Variants in DGKH observed in about 807,000 individuals in gnomAD.
DGKH encodes DAG kinase eta.
A neutral mutation model predicts 159.3 loss-of-function variants in DGKH; 90 were observed. The ratio of observed to expected loss-of-function variants is 0.57; its 90% CI spans 0.48 to 0.67. The LOEUF (loss-of-function observed/expected upper bound fraction) is 0.67. Among genes scored for constraint, DGKH ranks in the 30% least tolerant of loss-of-function variants. The pLI is 0.00. For missense variants in DGKH, 1,181 were observed against 1,506.1 expected (o/e 0.78, Z 3.57); for synonymous variants, 536 against 553.8 (o/e 0.97, Z 0.45).
At chr13:42,122,515 G>A (rs1955094885) in intron 1 of DGKH, among the ~76,000 whole-genome samples, 1 of 152,096 alleles carries the variant, frequency 6.6e-6, no homozygotes, top group African/African-American at 2.4e-5. Flanking sequence ...CCACTCTCAT[G>A]TTAGCCCATT....
At chr13:42,224,714 T>G (rs765388062) in intron 29 of DGKH, among the ~76,000 whole-genome samples, 1 of 152,120 alleles carries the variant, frequency 6.6e-6, no homozygotes, top group Non-Finnish European at 1.5e-5. Context: ...CATCCTGGCC[T>G]TATTTCAGTT....
In DGKH at chr13:42,230,004, T is replaced by C. The variant is rs913071728; in HGVS notation, c.*816T>C. 1 of 152,188 alleles carries C rather than the reference T, an allele frequency of 6.6e-6. No individual in the cohort carries two copies. Among genetic ancestry groups the C allele is most frequent in the Non-Finnish European group, 1.5e-5 (1 of 68,022 alleles). The allele number at this position is 152,188 out of a possible 1,614,324, so 9.4% of individuals were successfully genotyped here. A position where few individuals can be genotyped will look rare whatever the true frequency, so the allele number is the denominator to read the frequency against. On this transcript the variant is annotated 3_prime_UTR_variant, in exon 30 of 30. Coordinates refer to ENST00000337343, the MANE Select transcript of DGKH (RefSeq NM_178009.5). ...ATGATATACATCACATGCAAGTCAA[T>C]TTTATTTCAATCTATCATAAGCAGT...
chr13:42,131,086 G>A, intron 3 of DGKH, among the ~76,000 whole-genome samples: 1 of 152,100 alleles, frequency 6.6e-6, no homozygotes, highest in East Asian at 1.9e-4. Context: ...CCATTGATGT[G>A]AGTAGTTTCA....
exon 31 of DGKH, chr13:42,256,317 A>G: frequency 6.3e-7 from 1 of 1,593,644 alleles, no homozygotes. Context: ...GTGGGAATCC[A>G]GGCCAATACA....
At chr13:42,059,294 G>A (rs979698664) in intron 1 of DGKH, among the ~76,000 whole-genome samples, 3 of 151,672 alleles carry the variant, frequency 2.0e-5, no homozygotes, top group Non-Finnish European at 4.4e-5. Flanking sequence ...CTGTTGCCCA[G>A]GCTGGAGTGC....
At chr13:42,054,823 A>G (rs1881632791) in intron 1 of DGKH, among the ~76,000 whole-genome samples, 1 of 152,242 alleles carries the variant, frequency 6.6e-6, no homozygotes, top group East Asian at 1.9e-4. Context: ...GAATACATAC[A>G]TGAAAAATCA....
At chr13:42,112,594 C>T (rs2137805390) in intron 1 of DGKH, among the ~76,000 whole-genome samples, 1 of 152,348 alleles carries the variant, frequency 6.6e-6, no homozygotes, top group Middle Eastern at 3.4e-3. Flanking sequence ...GATCCTGATA[C>T]ACCAAACTGC....
intron 29 of DGKH, among the ~76,000 whole-genome samples, chr13:42,226,696 A>C (rs770391165): frequency 7.9e-5 from 12 of 151,952 alleles, no homozygotes; most frequent in Non-Finnish European, 1.6e-4. Flanking sequence ...TCTACTAAAA[A>C]TAGAAAAAAA....
intron 3 of DGKH, among the ~76,000 whole-genome samples, chr13:42,151,977 T>C (rs1303247710): frequency 6.6e-6 from 1 of 152,198 alleles, no homozygotes; most frequent in Admixed American, 6.5e-5. Context: ...GACTTTTTAA[T>C]GACTGCTCTA....
At chr13:42,171,149 G>T (rs1036597568) in intron 11 of DGKH, among the ~76,000 whole-genome samples, 2 of 152,174 alleles carry the variant, frequency 1.3e-5, no homozygotes, top group African/African-American at 4.8e-5. Flanking sequence ...CTTTCTAGTT[G>T]CTTTACTTCG....
At chr13:42,137,496 G>A (rs553598427) in intron 3 of DGKH, among the ~76,000 whole-genome samples, 6 of 152,314 alleles carry the variant, frequency 3.9e-5, no homozygotes, top group African/African-American at 1.4e-4. Context: ...ATCTGAACCT[G>A]TCCACATCAT....
chr13:42,121,022 G>A (rs377633831), intron 1 of DGKH, among the ~76,000 whole-genome samples: 1 of 149,754 alleles, frequency 6.7e-6, no homozygotes, highest in Non-Finnish European at 1.5e-5. Context: ...CTGGTTGTTT[G>A]GAACTTAGAC....
chr13:42,127,987 A>G (rs1246019737), intron 2 of DGKH, among the ~76,000 whole-genome samples: 3 of 152,106 alleles, frequency 2.0e-5, no homozygotes, highest in Non-Finnish European at 4.4e-5. Context: ...TTCAGACAAG[A>G]GCTCATATCC....
intron 1 of DGKH, among the ~76,000 whole-genome samples, chr13:42,110,587 A>T (rs376766032): frequency 4.0e-5 from 6 of 150,880 alleles, no homozygotes; most frequent in Non-Finnish European, 8.8e-5. Context: ...TTGAAGGATA[A>T]TCATTCATTC....
chr13:42,183,846 T>C (rs1956838029), intron 13 of DGKH, among the ~76,000 whole-genome samples: 1 of 152,262 alleles, frequency 6.6e-6, no homozygotes, highest in Non-Finnish European at 1.5e-5. Context: ...TCTCTCCTTT[T>C]ATTTAGTCAG....
upstream of DGKH, among the ~76,000 whole-genome samples, chr13:42,045,911 ACG>A (rs902294466): frequency 1.3e-5 from 2 of 152,340 alleles, no homozygotes; most frequent in Admixed American, 1.3e-4. Context: ...AAAATAATAC[ACG>A]AATATTCATA....
chr13:42,062,606 T>C (rs1480313233), intron 1 of DGKH, among the ~76,000 whole-genome samples: 1 of 152,138 alleles, frequency 6.6e-6, no homozygotes, highest in African/African-American at 2.4e-5. Flanking sequence ...TTGATGTGGG[T>C]GGGAGTGAGG....
At chr13:42,226,820 G>A (rs899665922) in intron 29 of DGKH, among the ~76,000 whole-genome samples, 2 of 150,132 alleles carry the variant, frequency 1.3e-5, no homozygotes, top group Non-Finnish European at 1.5e-5. Flanking sequence ...TCACGCCATT[G>A]CACTCCAGCC....
chr13:42,201,184 G>A (rs2138159688), intron 20 of DGKH, among the ~76,000 whole-genome samples: 1 of 152,084 alleles, frequency 6.6e-6, no homozygotes, highest in South Asian at 2.1e-4. Context: ...GTATACATGG[G>A]GTTTCACCAT....
Sources: gnomAD v4.1 joint callset for allele counts (sites outside exome capture counted in the v4.1 genomes callset) on GRCh38, gnomAD v4.1.1 for gene constraint, MANE v1.5 for transcripts, NCBI Gene and HGNC (gene_info 2026-07-23, HGNC 2026-07-21) for gene names.